Variants in TRIP12 observed in about 807,000 individuals in gnomAD.
TRIP12 encodes E3 ubiquitin-protein ligase TRIP12.
Under a neutral mutation model 244.2 loss-of-function variants are expected in TRIP12, and 25 were observed. The observed-to-expected ratio is 0.10, with a 90% confidence interval of 0.07 to 0.14. The LOEUF (loss-of-function observed/expected upper bound fraction) is 0.14. TRIP12 is among the 10% of genes least tolerant of loss of function. The pLI is 1.00. For missense variants in TRIP12, 1,677 were observed against 2,486.4 expected, an observed-to-expected ratio of 0.67 and a Z score of 6.92; for synonymous variants, 905 against 873.1, an observed-to-expected ratio of 1.04 and a Z score of -0.64.
At position 229,797,740 on chromosome 2, in the gene TRIP12, A is replaced by G; in HGVS notation, c.3574T>C (p.Leu1192=). The G allele has an allele frequency of 6.2e-7, 1 of 1,614,092 alleles. No individual in the cohort carries two copies. Among genetic ancestry groups the G allele is most frequent in the Non-Finnish European group, 8.5e-7 (1 of 1,179,966 alleles). Residue 1192 remains leucine (L), a synonymous_variant, in exon 24 of 42, where the codon TTG becomes CTG. Coordinates refer to ENST00000675903, the MANE Select transcript of TRIP12 (RefSeq NM_001348323.3). ...GCACAAAGTCTCTGAAGGACATTCA[A>G]TGCAGGGTTGCTTCCATCCATATTC... ...SENMDGSNPA[L]NVLQRLCAAT... is the part of the protein sequence containing the mutation.
chr2:229,806,965 AAC>A (rs780295804), intron 17 of TRIP12, among the ~76,000 whole-genome samples: 1 of 152,214 alleles, frequency 6.6e-6, no homozygotes, highest in Admixed American at 6.5e-5. Flanking sequence ...CATCACAAAT[AAC>A]ACAGTGATCA....
At chr2:229,869,094 G>C (rs2062063854) in intron 2 of TRIP12, among the ~76,000 whole-genome samples, 1 of 152,164 alleles carries the variant, frequency 6.6e-6, no homozygotes, top group Non-Finnish European at 1.5e-5. Context: ...CCACTGACCT[G>C]GACAGACAAC....
At chr2:229,810,327 T>C (rs2154278057) in intron 15 of TRIP12, among the ~76,000 whole-genome samples, 1 of 152,348 alleles carries the variant, frequency 6.6e-6, no homozygotes, top group South Asian at 2.1e-4. Context: ...AATAAAATTT[T>C]ATTTCCCACA....
intron 6 of TRIP12, 120 bp downstream of exon 6, chr2:229,836,728 G>C (rs1422044538): frequency 1.7e-5 from 21 of 1,245,052 alleles, no homozygotes; most frequent in Non-Finnish European, 2.2e-5. Flanking sequence ...AACTGGTAAA[G>C]TAAAACAAAA....
intron 2 of TRIP12, among the ~76,000 whole-genome samples, chr2:229,873,849 G>A (rs1390077714): frequency 6.6e-6 from 1 of 151,990 alleles, no homozygotes; most frequent in Non-Finnish European, 1.5e-5. Context: ...TTTGATGGGG[G>A]TGAGAAGTAG....
intron 23 of TRIP12, among the ~76,000 whole-genome samples, chr2:229,798,386 A>T (rs2043347273): frequency 6.6e-6 from 1 of 151,960 alleles, no homozygotes; most frequent in Admixed American, 6.6e-5. Context: ...GTCTTTTAAA[A>T]TTTCTTATCT....
intron 4 of TRIP12, among the ~76,000 whole-genome samples, chr2:229,855,028 C>T (rs1394031189): frequency 6.6e-6 from 1 of 152,196 alleles, no homozygotes; most frequent in Non-Finnish European, 1.5e-5. Flanking sequence ...TTCTGGGAGG[C>T]CGCGGGGGAT....
At chr2:229,827,812 G>GT (rs1327037015) in intron 8 of TRIP12, among the ~76,000 whole-genome samples, 2 of 152,058 alleles carry the variant, frequency 1.3e-5, no homozygotes, top group Non-Finnish European at 2.9e-5. Flanking sequence ...TTAAAATATT[G>GT]TAAGATTTTT....
In TRIP12 at chr2:229,791,672, C is replaced by T. The variant is rs910082173; in HGVS notation, c.4415+194G>A. ...TTACTGTCCATGGATATACATTTTC[C>T]GGTAGAATGAATGAGGAGGCTACAT... On this transcript the variant is annotated intron_variant, in intron 29 of 41. Transcript: ENST00000675903. 19 of 602,380 alleles carry T rather than the reference C, an allele frequency of 3.2e-5. 1 individual carries two copies. The highest frequency in any genetic ancestry group is 8.4e-5 in the South Asian group (4 of 47,488). 37.3% of individuals were successfully genotyped at this position (602,380 alleles called of 1,614,324 possible).
At chr2:229,863,538 C>G (rs1315937416) in intron 2 of TRIP12, among the ~76,000 whole-genome samples, 1 of 152,160 alleles carries the variant, frequency 6.6e-6, no homozygotes, top group African/African-American at 2.4e-5. Context: ...TTTACAAAAA[C>G]AGGCAGTGAG....
At chr2:229,892,792 G>A (rs1000443668) in intron 1 of TRIP12, among the ~76,000 whole-genome samples, 2 of 152,110 alleles carry the variant, frequency 1.3e-5, no homozygotes, top group Non-Finnish European at 2.9e-5. Flanking sequence ...CTTGAGCCCA[G>A]GAGATGGAGA....
intron 30 of TRIP12, 95 bp downstream of exon 30, chr2:229,791,029 A>G (rs1293675499): frequency 6.7e-7 from 1 of 1,497,666 alleles, no homozygotes; most frequent in African/African-American, 1.4e-5. Context: ...ATATTCAAAA[A>G]TTTTACTACT....
At chr2:229,858,732 C>T (rs757691048) in intron 4 of TRIP12, 40 bp downstream of exon 4, 2 of 1,503,936 alleles carry the variant, frequency 1.3e-6, no homozygotes, top group South Asian at 2.6e-5. Context: ...CCAAGAGAAA[C>T]TTTCTTTAAT....
intron 2 of TRIP12, among the ~76,000 whole-genome samples, chr2:229,873,862 AACTGT>A (rs1219625138): frequency 3.3e-5 from 5 of 152,138 alleles, no homozygotes; most frequent in Non-Finnish European, 7.4e-5. Context: ...AGAAGTAGGC[AACTGT>A]ATACAAGCAT....
intron 26 of TRIP12, 57 bp from the exon 27 acceptor site, chr2:229,793,202 T>TA: frequency 6.6e-7 from 1 of 1,518,212 alleles, no homozygotes; most frequent in Non-Finnish European, 8.9e-7. Context: ...TAATATACAT[T>TA]AATTCAAATA....
chr2:229,904,036 A>G (rs1038425192), intron 1 of TRIP12, among the ~76,000 whole-genome samples: 11 of 151,994 alleles, frequency 7.2e-5, no homozygotes, highest in Non-Finnish European at 1.0e-4. Flanking sequence ...ACCCTGTATC[A>G]AAAAATAAAA....
intron 1 of TRIP12, among the ~76,000 whole-genome samples, chr2:229,894,904 T>A (rs2068372598): frequency 6.6e-6 from 1 of 152,174 alleles, no homozygotes; most frequent in Non-Finnish European, 1.5e-5. Context: ...GGTAGCAAGC[T>A]CTTAGTGCAT....
At chr2:229,836,139 T>C (rs1337542082) in intron 6 of TRIP12, among the ~76,000 whole-genome samples, 1 of 152,220 alleles carries the variant, frequency 6.6e-6, no homozygotes, top group African/African-American at 2.4e-5. Flanking sequence ...ATCTGAAATA[T>C]CTTTATTCAA....
At chr2:229,807,535 GT>G (rs1471720818) in intron 17 of TRIP12, 172 bp downstream of exon 17, 9 of 775,408 alleles carry the variant, frequency 1.2e-5, no homozygotes, top group Non-Finnish European at 1.7e-5. Flanking sequence ...AGAACATGAA[GT>G]TTTCTGACCT....
Sources: allele counts gnomAD v4.1 joint callset (sites outside exome capture counted in the v4.1 genomes callset), GRCh38; gene constraint gnomAD v4.1.1; transcripts MANE v1.5; gene names NCBI Gene and HGNC (gene_info 2026-07-23, HGNC 2026-07-21).